PATJ: variants seen among roughly 807,000 people sequenced by gnomAD.
PATJ encodes the protein inaD-like protein.
Under a neutral mutation model 224.9 loss-of-function variants are expected in PATJ, and 190 were observed. The observed-to-expected ratio is 0.84, with a 90% CI of 0.75 to 0.95. The LOEUF (loss-of-function observed/expected upper bound fraction) is 0.95, where lower values mean the gene tolerates loss of function less well. Among genes scored for constraint, PATJ ranks in the 40% least tolerant of loss-of-function variants. The pLI is 0.00. For missense variants in PATJ, 2,121 were observed against 2,270.3 expected (o/e 0.93, Z 1.34); for synonymous variants, 769 against 820.3 (o/e 0.94, Z 1.07).
chr1:61,766,652 T>C (rs1570355391), intron 4 of PATJ, among the ~76,000 whole-genome samples, 179 bp downstream of exon 4: 2 of 152,338 alleles, frequency 1.3e-5, no homozygotes, highest in African/African-American at 4.8e-5. Flanking sequence ...TGAAAATTTA[T>C]TGACTTAAAA....
In PATJ at chr1:62,118,692, C is replaced by T. The variant is rs139573309; in HGVS notation, c.4890+1474C>T. 1.0e-2 allele frequency among the ~76,000 whole-genome samples: 1,516 copies of T among 152,170 alleles called. 24 individuals are homozygous for T. Among genetic ancestry groups the T allele is most frequent in the African/African-American group, 0.034 (1,416 of 41,480 alleles). Reference sequence around the variant, plus strand: ...TTGCCCAGGTTGGAGTGCAATGGCGCGATCTCAGCTCACTGTAATCTTCGC... The same window carrying T: ...TTGCCCAGGTTGGAGTGCAATGGCGTGATCTCAGCTCACTGTAATCTTCGC... On this transcript the variant is annotated intron_variant, in intron 37 of 43. Coordinates refer to ENST00000642238, the MANE Select transcript of PATJ (RefSeq NM_001350145.3).
chr1:61,802,530 T>A (rs1652749765), intron 12 of PATJ, among the ~76,000 whole-genome samples: 1 of 152,126 alleles, frequency 6.6e-6, no homozygotes, highest in Non-Finnish European at 1.5e-5. Context: ...GCTCCCACTT[T>A]GGCCCCCCAA....
At chr1:61,844,496 T>C (rs148819627) in intron 17 of PATJ, among the ~76,000 whole-genome samples, 30 of 152,342 alleles carry the variant, frequency 2.0e-4, no homozygotes, top group African/African-American at 6.5e-4. Context: ...ATGGCATCAA[T>C]TACCCACTGT....
At chr1:61,946,119 G>T (rs556242706) in intron 27 of PATJ, among the ~76,000 whole-genome samples, 1 of 152,182 alleles carries the variant, frequency 6.6e-6, no homozygotes, top group Non-Finnish European at 1.5e-5. Context: ...AAGCAGGAAA[G>T]ATCTAAAATT....
chr1:62,123,740 G>A (rs1216163553), intron 39 of PATJ, among the ~76,000 whole-genome samples: 1 of 142,576 alleles, frequency 7.0e-6, no homozygotes, highest in Non-Finnish European at 1.5e-5. Flanking sequence ...GCCTCCCAAA[G>A]TGCTGGGATT....
intron 27 of PATJ, among the ~76,000 whole-genome samples, chr1:61,965,142 A>AAAAG: frequency 2.0e-5 from 2 of 102,320 alleles, no homozygotes; most frequent in South Asian, 6.7e-4. Context: ...AAAAAAAAAA[A>AAAAG]AAAAAAAAAA....
intron 27 of PATJ, among the ~76,000 whole-genome samples, chr1:61,930,209 C>T (rs1571344458): frequency 6.6e-6 from 1 of 152,266 alleles, no homozygotes; most frequent in African/African-American, 2.4e-5. Context: ...TTACTGTTAA[C>T]CTCCTCCAGA....
At chr1:61,745,308 T>C (rs1644966999) in intron 1 of PATJ, among the ~76,000 whole-genome samples, 1 of 152,166 alleles carries the variant, frequency 6.6e-6, no homozygotes, top group Admixed American at 6.6e-5. Context: ...AGAGTCTTGC[T>C]CCGCTGCCCA....
intron 29 of PATJ, among the ~76,000 whole-genome samples, chr1:62,037,610 GC>G (rs1444733353): frequency 5.9e-5 from 9 of 152,238 alleles, no homozygotes; most frequent in African/African-American, 2.2e-4. Flanking sequence ...CATTAATGGG[GC>G]CTAAAGGTTG....
chr1:62,041,634 A>G (rs947499411), intron 30 of PATJ, among the ~76,000 whole-genome samples: 4 of 152,194 alleles, frequency 2.6e-5, no homozygotes, highest in Non-Finnish European at 4.4e-5. Flanking sequence ...TATTTACTAG[A>G]GTCTTTCAAA....
rs959405002 is a variant in PATJ at position 62,038,064 on chromosome 1, A to G, written c.4032+15A>G. ...CTTCTATTGAGGTAAGGTTGTTTCTAATTAGCTCTTAGTATATTAGATGGA... is the reference window on the plus strand; with the variant it reads ...CTTCTATTGAGGTAAGGTTGTTTCTGATTAGCTCTTAGTATATTAGATGGA... On this transcript the variant is annotated intron_variant, in intron 30 of 43. Coordinates refer to ENST00000642238, the MANE Select transcript of PATJ (RefSeq NM_001350145.3). The G allele has an allele frequency of 4.6e-6, 7 of 1,518,020 alleles. No homozygotes were observed. The highest frequency in any genetic ancestry group is 6.4e-6 in the Non-Finnish European group (7 of 1,100,584). The allele number at this position is 1,518,020 out of a possible 1,614,324, so 94.0% of individuals were successfully genotyped here.
At chr1:61,910,011 T>C (rs141657671) in intron 25 of PATJ, among the ~76,000 whole-genome samples, 1 of 152,336 alleles carries the variant, frequency 6.6e-6, no homozygotes, top group African/African-American at 2.4e-5. Context: ...AGTTCTCTTG[T>C]TTTCATAAAA....
chr1:61,756,531 G>A (rs185456969), intron 1 of PATJ, among the ~76,000 whole-genome samples: 47 of 150,500 alleles, frequency 3.1e-4, no homozygotes, highest in East Asian at 2.3e-3. Context: ...CACTAACCTA[G>A]GGTAGCCTTA....
chr1:62,079,288 G>A (rs982487092), intron 31 of PATJ, among the ~76,000 whole-genome samples, 162 bp from the exon 32 acceptor site: 6 of 152,114 alleles, frequency 3.9e-5, no homozygotes, highest in African/African-American at 1.2e-4. Context: ...AATGAGGAAC[G>A]AGGCATAAAT....
intron 30 of PATJ, among the ~76,000 whole-genome samples, chr1:62,041,961 T>C (rs145074903): frequency 1.3e-5 from 2 of 151,948 alleles, no homozygotes; most frequent in African/African-American, 4.8e-5. Flanking sequence ...CACTCCAGCC[T>C]GGGCGACAGA....
intron 7 of PATJ, among the ~76,000 whole-genome samples, chr1:61,782,324 G>A (rs530550715): frequency 2.0e-5 from 3 of 152,156 alleles, no homozygotes; most frequent in Non-Finnish European, 4.4e-5. Context: ...TTAGCACAAT[G>A]CCTCTTAGTT....
chr1:62,114,411 C>T (rs1423212870), intron 35 of PATJ, 165 bp downstream of exon 35: 7 of 647,942 alleles, frequency 1.1e-5, no homozygotes. Flanking sequence ...CAAGGTCTTA[C>T]CAGAAAAATT....
At chr1:61,965,767 C>A (rs569485708) in intron 27 of PATJ, among the ~76,000 whole-genome samples, 10 of 152,124 alleles carry the variant, frequency 6.6e-5, no homozygotes, top group Non-Finnish European at 1.2e-4. Context: ...CCGTTTTAAC[C>A]GAGGAGGCAG....
At chr1:61,787,524 T>A (rs1184388436) in intron 7 of PATJ, among the ~76,000 whole-genome samples, 1 of 152,216 alleles carries the variant, frequency 6.6e-6, no homozygotes, top group South Asian at 2.1e-4. Flanking sequence ...ACAAAGGCCT[T>A]TTTTAGAATA....
Sources: gnomAD v4.1 joint callset for allele counts (sites outside exome capture counted in the v4.1 genomes callset) on GRCh38, gnomAD v4.1.1 for gene constraint, MANE v1.5 for transcripts, NCBI Gene and HGNC (gene_info 2026-07-23, HGNC 2026-07-21) for gene names.